The following SEMA3E variants were observed in gnomAD, a reference collection of about 807,000 sequenced individuals.
The protein encoded by SEMA3E is semaphorin 3E.
SEMA3E carries 49 observed loss-of-function variants against 93.6 expected under a neutral mutation model. The observed-to-expected ratio is 0.52, with a 90% confidence interval of 0.42 to 0.66. The LOEUF is 0.66. SEMA3E is among the 30% of genes least tolerant of loss of function. SEMA3E has a pLI of 0.00. For synonymous variants in SEMA3E, 363 were observed against 330.7 expected (o/e 1.10, Z -1.06); for missense variants, 906 against 964.8 (o/e 0.94, Z 0.81).
At chr7:83,477,744 A>C (rs1362807404) in intron 2 of SEMA3E, among the ~76,000 whole-genome samples, 1 of 152,114 alleles carries the variant, frequency 6.6e-6, no homozygotes, top group Admixed American at 6.6e-5. Context: ...TTTATGTACA[A>C]ATTGTACATA....
chr7:83,378,390 A>G (rs983264485), intron 16 of SEMA3E, among the ~76,000 whole-genome samples: 7 of 151,920 alleles, frequency 4.6e-5, no homozygotes, highest in Non-Finnish European at 1.0e-4. Context: ...TCTTCTTTAT[A>G]GCTACTTCCT....
At chr7:83,411,335 T>G (rs971702276) in intron 5 of SEMA3E, among the ~76,000 whole-genome samples, 2 of 152,080 alleles carry the variant, frequency 1.3e-5, no homozygotes, top group African/African-American at 4.8e-5. Context: ...ATGAACTGTA[T>G]GACTTGAATT....
chr7:83,586,579 G>T (rs1436380591), intron 1 of SEMA3E, among the ~76,000 whole-genome samples: 1 of 151,594 alleles, frequency 6.6e-6, no homozygotes, highest in Non-Finnish European at 1.5e-5. Context: ...AATATGTTAG[G>T]TTTATATCAC....
chr7:83,585,627 A>T (rs1046029027), intron 1 of SEMA3E, among the ~76,000 whole-genome samples: 1 of 152,192 alleles, frequency 6.6e-6, no homozygotes, highest in Non-Finnish European at 1.5e-5. Context: ...TTAACAATTT[A>T]TATACATTTC....
intron 4 of SEMA3E, among the ~76,000 whole-genome samples, chr7:83,455,314 A>C (rs1440987833): frequency 6.6e-6 from 1 of 152,236 alleles, no homozygotes; most frequent in Admixed American, 6.5e-5. Context: ...AATTCTGCAG[A>C]TGGCCCACAC....
At chr7:83,493,386 A>G (rs1224829348) in intron 1 of SEMA3E, among the ~76,000 whole-genome samples, 2 of 151,930 alleles carry the variant, frequency 1.3e-5, no homozygotes, top group Non-Finnish European at 2.9e-5. Flanking sequence ...AATTTCAGAG[A>G]TTACTTTTCC....
intron 11 of SEMA3E, among the ~76,000 whole-genome samples, chr7:83,399,277 G>A (rs1468297371): frequency 6.6e-6 from 1 of 152,148 alleles, no homozygotes; most frequent in African/African-American, 2.4e-5. Context: ...CTACTTTGGA[G>A]GCTGAAAGAT....
intron 1 of SEMA3E, among the ~76,000 whole-genome samples, chr7:83,520,785 T>C (rs1489386995): frequency 1.3e-5 from 2 of 152,214 alleles, no homozygotes; most frequent in African/African-American, 4.8e-5. Context: ...AAGTCATACT[T>C]GGGGCTAGAT....
chr7:83,435,266 T>C (rs1788981928), intron 4 of SEMA3E, among the ~76,000 whole-genome samples: 2 of 152,188 alleles, frequency 1.3e-5, no homozygotes, highest in Admixed American at 6.5e-5. Flanking sequence ...TTGAGTTAAC[T>C]TGCCATAAAC....
chr7:83,473,310 A>G (rs1789942117), intron 2 of SEMA3E, among the ~76,000 whole-genome samples: 1 of 152,154 alleles, frequency 6.6e-6, no homozygotes, highest in Non-Finnish European at 1.5e-5. Flanking sequence ...TTTCCAGTCC[A>G]GTGTCAATGT....
chr7:83,396,041 ATGTGTG>A (rs3043167), intron 12 of SEMA3E, among the ~76,000 whole-genome samples: 1,778 of 149,104 alleles, frequency 0.012, 26 homozygotes, highest in African/African-American at 0.04. Flanking sequence ...ATACGACTTG[ATGTGTG>A]TGTGTGTGTG....
intron 15 of SEMA3E, among the ~76,000 whole-genome samples, chr7:83,386,627 A>G (rs1787888067): frequency 6.6e-6 from 1 of 152,142 alleles, no homozygotes; most frequent in African/African-American, 2.4e-5. Flanking sequence ...AAATCACCAG[A>G]AGGTACGTAA....
intron 1 of SEMA3E, among the ~76,000 whole-genome samples, chr7:83,503,715 ATAAGTATT>A (rs1465462129): frequency 6.6e-6 from 1 of 152,208 alleles, no homozygotes; most frequent in Non-Finnish European, 1.5e-5. Context: ...TTGTAATTTG[ATAAGTATT>A]TGTGTATTTG....
intron 4 of SEMA3E, among the ~76,000 whole-genome samples, chr7:83,431,525 C>A (rs1337939667): frequency 6.6e-6 from 1 of 152,118 alleles, no homozygotes; most frequent in Admixed American, 6.5e-5. Context: ...CCTGCCTCAG[C>A]CTCTCGTCAC....
intron 1 of SEMA3E, among the ~76,000 whole-genome samples, chr7:83,554,461 C>A (rs762700296): frequency 1.3e-5 from 2 of 152,064 alleles, no homozygotes; most frequent in African/African-American, 2.4e-5. Flanking sequence ...CTACATAGAG[C>A]TAAGACAATC....
intron 5 of SEMA3E, among the ~76,000 whole-genome samples, chr7:83,417,104 T>C (rs902788761): frequency 3.9e-5 from 4 of 102,708 alleles, no homozygotes; most frequent in African/African-American, 1.1e-4. Context: ...TTCTCAAATA[T>C]TGTACCTCTT....
At chr7:83,482,790 A>G (rs918433360) in intron 2 of SEMA3E, among the ~76,000 whole-genome samples, 12 of 152,132 alleles carry the variant, frequency 7.9e-5, no homozygotes, top group Admixed American at 3.3e-4. Context: ...CAGATCTTGG[A>G]ATAAGGAAGG....
At chr7:83,513,170 A>C (rs1396820230) in intron 1 of SEMA3E, among the ~76,000 whole-genome samples, 3 of 152,116 alleles carry the variant, frequency 2.0e-5, no homozygotes, top group Non-Finnish European at 2.9e-5. Context: ...AATTAGTTAG[A>C]TGTGTCTTCC....
chr7:83,582,172 T>C (rs1156315280), intron 1 of SEMA3E, among the ~76,000 whole-genome samples: 1 of 150,968 alleles, frequency 6.6e-6, no homozygotes, highest in South Asian at 2.1e-4. Context: ...TTTATTTATA[T>C]TTAAATAAAA....
Sources: gnomAD v4.1 joint callset for allele counts (sites outside exome capture counted in the v4.1 genomes callset) on GRCh38, gnomAD v4.1.1 for gene constraint, MANE v1.5 for transcripts, NCBI Gene and HGNC (gene_info 2026-07-23, HGNC 2026-07-21) for gene names.